Variants in GPC6 observed in about 807,000 individuals in gnomAD.
The protein encoded by GPC6 is glypican-6.
A neutral mutation model predicts 55.2 loss-of-function variants in GPC6; 14 were observed. That is an observed-to-expected ratio of 0.25 (90% CI 0.17 to 0.40). The LOEUF (loss-of-function observed/expected upper bound fraction) is 0.40. GPC6 is among the 10% of genes least tolerant of loss of function. The pLI, the probability that GPC6 is intolerant of heterozygous loss-of-function variation, is 1.00. For missense variants in GPC6, 641 were observed against 708.5 expected, an observed-to-expected ratio of 0.90 and a Z score of 1.08; for synonymous variants, 278 against 259.6, an observed-to-expected ratio of 1.07 and a Z score of -0.68.
At chr13:94,222,359 G>A (rs1010402010) in intron 4 of GPC6, among the ~76,000 whole-genome samples, 3 of 152,096 alleles carry the variant, frequency 2.0e-5, no homozygotes, top group Non-Finnish European at 4.4e-5. Context: ...TATCTTGTAG[G>A]AAGCAAAGAT....
At chr13:93,842,152 C>A (rs1313140893) in intron 3 of GPC6, among the ~76,000 whole-genome samples, 1 of 152,116 alleles carries the variant, frequency 6.6e-6, no homozygotes, top group Non-Finnish European at 1.5e-5. Flanking sequence ...GTAAGAAGTA[C>A]ACAATTTTAT....
intron 1 of GPC6, among the ~76,000 whole-genome samples, chr13:93,541,183 A>G (rs1289950136): frequency 1.3e-5 from 1 of 79,250 alleles, no homozygotes; most frequent in Non-Finnish European, 2.3e-5. Flanking sequence ...CCCTCCCCCC[A>G]CCCCACAACA....
chr13:94,100,312 A>G (rs1451117225), intron 4 of GPC6, among the ~76,000 whole-genome samples: 8 of 152,200 alleles, frequency 5.3e-5, no homozygotes, highest in Non-Finnish European at 1.0e-4. Flanking sequence ...AAGTAGCTGT[A>G]TGAAATTTTT....
chr13:93,631,294 C>A (rs1461282694), intron 2 of GPC6, among the ~76,000 whole-genome samples: 1 of 152,098 alleles, frequency 6.6e-6, no homozygotes, highest in Admixed American at 6.6e-5. Context: ...ATGGCATGAA[C>A]TTCTGTGGCT....
chr13:94,133,077 A>G (rs1887056386), intron 4 of GPC6, among the ~76,000 whole-genome samples: 1 of 152,098 alleles, frequency 6.6e-6, no homozygotes, highest in Non-Finnish European at 1.5e-5. Context: ...GTTGATTCTC[A>G]TTCTGGGAAG....
chr13:93,241,362 T>C (rs1350686569), intron 1 of GPC6, among the ~76,000 whole-genome samples: 1 of 152,218 alleles, frequency 6.6e-6, no homozygotes, highest in East Asian at 1.9e-4. Flanking sequence ...TTGTTTTTGT[T>C]CGGTTGGGTA....
chr13:93,505,502 C>T (rs1206806108), intron 1 of GPC6, among the ~76,000 whole-genome samples: 1 of 151,778 alleles, frequency 6.6e-6, no homozygotes, highest in Non-Finnish European at 1.5e-5. Flanking sequence ...GCACTTACAG[C>T]CAGTGGCACT....
intron 2 of GPC6, among the ~76,000 whole-genome samples, chr13:93,739,485 A>C (rs1490778345): frequency 6.8e-6 from 1 of 146,714 alleles, no homozygotes. Context: ...GCTGGAGTGC[A>C]GTGGTGCGAT....
chr13:93,354,364 T>TTTGTTTTG (rs1880758590), intron 1 of GPC6, among the ~76,000 whole-genome samples: 1 of 148,778 alleles, frequency 6.7e-6, no homozygotes, highest in Non-Finnish European at 1.5e-5. Context: ...TTTTTTTTTT[T>TTTGTTTTG]TTTTGAGACA....
intron 3 of GPC6, among the ~76,000 whole-genome samples, chr13:93,938,633 T>G (rs1878563923): frequency 6.6e-6 from 1 of 151,996 alleles, no homozygotes; most frequent in Non-Finnish European, 1.5e-5. Flanking sequence ...ACAAAGAAAA[T>G]CTTCCTTGAT....
intron 4 of GPC6, among the ~76,000 whole-genome samples, chr13:94,081,047 A>G (rs1395593903): frequency 6.6e-6 from 1 of 152,180 alleles, no homozygotes; most frequent in Non-Finnish European, 1.5e-5. Flanking sequence ...AGAAAAGACC[A>G]TGGGTGTCTG....
intron 2 of GPC6, among the ~76,000 whole-genome samples, chr13:93,797,999 G>T (rs1011223553): frequency 1.3e-5 from 2 of 152,148 alleles, no homozygotes; most frequent in Admixed American, 6.5e-5. Context: ...CGGAAGCACA[G>T]GAAAGGCAGT....
At chr13:93,627,163 C>T (rs748165057) in intron 2 of GPC6, among the ~76,000 whole-genome samples, 1 of 152,020 alleles carries the variant, frequency 6.6e-6, no homozygotes. Flanking sequence ...TAGCCCCCAC[C>T]CCCCAATAGG....
intron 3 of GPC6, among the ~76,000 whole-genome samples, chr13:94,008,377 A>G (rs181149197): frequency 6.6e-6 from 1 of 152,206 alleles, no homozygotes; most frequent in African/African-American, 2.4e-5. Context: ...AATTTTTATC[A>G]TAAGTTTAAA....
At chr13:94,116,772 C>A (rs1008221807) in intron 4 of GPC6, among the ~76,000 whole-genome samples, 2 of 152,034 alleles carry the variant, frequency 1.3e-5, no homozygotes, top group African/African-American at 4.8e-5. Context: ...CTAGACACTG[C>A]CTTCAAGGAT....
At chr13:94,295,555 C>A (rs1205879389) in intron 5 of GPC6, among the ~76,000 whole-genome samples, 2 of 152,104 alleles carry the variant, frequency 1.3e-5, no homozygotes, top group Non-Finnish European at 2.9e-5. Flanking sequence ...AAATAAATGT[C>A]TATGAACAAG....
intron 2 of GPC6, among the ~76,000 whole-genome samples, chr13:93,623,288 C>T (rs1879036025): frequency 6.6e-6 from 1 of 151,936 alleles, no homozygotes; most frequent in African/African-American, 2.4e-5. Flanking sequence ...GGATAAATGC[C>T]CAGTAGTGAG....
chr13:94,294,438 A>T (rs889212009), intron 5 of GPC6, among the ~76,000 whole-genome samples: 27 of 60,442 alleles, frequency 4.5e-4, no homozygotes, highest in Non-Finnish European at 6.0e-4. Context: ...AATGAAGATT[A>T]AAAAAAAAAA....
At chr13:93,816,399 T>A (rs1328896794) in intron 2 of GPC6, among the ~76,000 whole-genome samples, 1 of 152,150 alleles carries the variant, frequency 6.6e-6, no homozygotes, top group Non-Finnish European at 1.5e-5. Context: ...TATTAAACCC[T>A]TTTTACTAAT....
Sources: gnomAD v4.1 joint callset for allele counts (sites outside exome capture counted in the v4.1 genomes callset) on GRCh38, gnomAD v4.1.1 for gene constraint, MANE v1.5 for transcripts, NCBI Gene and HGNC (gene_info 2026-07-23, HGNC 2026-07-21) for gene names.